UNC93A: variants seen among roughly 807,000 people sequenced by gnomAD.
UNC93A encodes unc-93 homolog A.
Under a neutral mutation model 47.5 loss-of-function variants are expected in UNC93A, and 43 were observed. The observed-to-expected ratio is 0.91, with a 90% CI of 0.71 to 1.17. UNC93A has a LOEUF of 1.17. Among genes scored for constraint, UNC93A ranks in the 50% most tolerant of loss-of-function variants. The probability of loss-of-function intolerance (pLI) is 0.00; values close to 1 mark genes in which losing one functional copy is unlikely to be tolerated. For missense variants in UNC93A, 605 were observed against 577.6 expected, an observed-to-expected ratio of 1.05 and a Z score of -0.49; for synonymous variants, 280 against 258.0, an observed-to-expected ratio of 1.09 and a Z score of -0.82.
At chr6:167,314,119 A>C (rs1468207770) in intron 7 of UNC93A, among the ~76,000 whole-genome samples, 1 of 152,148 alleles carries the variant, frequency 6.6e-6, no homozygotes, top group Non-Finnish European at 1.5e-5. Context: ...GTTTCGTATA[A>C]AACTCATTAA....
Position 167,304,034 on chromosome 6 carries a change from G to T in UNC93A, c.741G>T (p.Ser247=), listed in dbSNP as rs748804841. The change falls in exon 5 of 8, where the codon TCG becomes TCT. Residue 247 remains serine, a synonymous_variant. Coordinates refer to ENST00000230256, the MANE Select transcript of UNC93A (RefSeq NM_018974.4). ...KSVPFWSTLL[S]TFKLYRDKRL... is the part of the protein sequence containing the mutation. ...TACCTTTCTGGTCCACTTTACTGTC[G>T]ACTTTCAAGCTATATAGAGATAAAC... is the stretch of plus-strand genomic sequence containing the variant. 4 of 1,613,798 alleles carry T rather than the reference G, an allele frequency of 2.5e-6. No individual in the cohort carries two copies. The African/African-American group carries it at 5.3e-5, about 22-fold the overall frequency.
chr6:167,304,147 T>C lies in UNC93A; in HGVS notation c.840+14T>C. 6.2e-7 allele frequency: 1 copy of C among 1,613,802 alleles called. No homozygotes were observed. Among genetic ancestry groups the C allele is most frequent in the Middle Eastern group, 1.7e-4 (1 of 6,054 alleles). The stretch of plus-strand genomic sequence containing the variant: ...GAATACACAAGGGTATGAACGAAAG[T>C]GAGGGCCGGTGGCTCAGGCCATGCG... On this transcript the variant is annotated intron_variant, in intron 5 of 7. Transcript: ENST00000230256.
intron 4 of UNC93A, among the ~76,000 whole-genome samples, chr6:167,299,310 G>A (rs1305385947): frequency 1.3e-5 from 2 of 151,960 alleles, no homozygotes; most frequent in African/African-American, 2.4e-5. Context: ...TGAGCTCTGG[G>A]GGTACCAACT....
chr6:167,306,162 TC>T, intron 6 of UNC93A, 112 bp downstream of exon 6: 1 of 1,425,034 alleles, frequency 7.0e-7, no homozygotes, highest in Non-Finnish European at 9.6e-7. Context: ...TGCTTTGAAA[TC>T]AGTAACGCCC....
intron 1 of UNC93A, among the ~76,000 whole-genome samples, chr6:167,272,257 C>G (rs1215806499): frequency 6.6e-6 from 1 of 152,200 alleles, no homozygotes; most frequent in East Asian, 1.9e-4. Context: ...CGAGAATGTT[C>G]TATGCAAATG....
chr6:167,273,094 C>G (rs759859396), intron 1 of UNC93A, among the ~76,000 whole-genome samples: 1 of 152,190 alleles, frequency 6.6e-6, no homozygotes, highest in African/African-American at 2.4e-5. Context: ...CTAACGTGAA[C>G]GTGCTCCTCT....
At chr6:167,279,786 ATAG>A (rs770260357) in intron 1 of UNC93A, among the ~76,000 whole-genome samples, 51 of 152,236 alleles carry the variant, frequency 3.4e-4, no homozygotes, top group Non-Finnish European at 6.0e-4. Flanking sequence ...TAGTTTGCAC[ATAG>A]TAGAGAATGA....
At chr6:167,295,019 T>TA (rs1056970099) in intron 2 of UNC93A, among the ~76,000 whole-genome samples, 2 of 152,156 alleles carry the variant, frequency 1.3e-5, no homozygotes, top group African/African-American at 4.8e-5. Context: ...CAGGGGACTC[T>TA]AACTGCAATG....
upstream of UNC93A, among the ~76,000 whole-genome samples, chr6:167,286,851 G>A (rs1241016544): frequency 6.6e-6 from 1 of 151,774 alleles, no homozygotes; most frequent in Non-Finnish European, 1.5e-5. Context: ...GGTGGCGGGT[G>A]CCTGTAATCC....
Position 167,298,033 on chromosome 6 carries a change from C to T in UNC93A, c.588C>T (p.Ser196=), listed in dbSNP as rs759159645. The T allele has an allele frequency of 1.2e-6, 2 of 1,614,008 alleles. No individual in the cohort carries two copies. Among genetic ancestry groups the T allele is most frequent in the Admixed American group, 3.3e-5 (2 of 60,016 alleles). The stretch of plus-strand genomic sequence containing the variant: ...CCACCAACAGCACCCAGAGGCCCTC[C>T]CAGCAGCTGGTCTACACCCTCCTGG... The part of the protein sequence containing the change: ...TTTTNSTQRP[S]QQLVYTLLGI... Residue 196 remains serine (S), a synonymous_variant, in exon 4 of 8, where the codon TCC becomes TCT. Coordinates refer to ENST00000230256, the MANE Select transcript of UNC93A (RefSeq NM_018974.4).
At chr6:167,304,836 C>T (rs1405297966) in intron 5 of UNC93A, among the ~76,000 whole-genome samples, 1 of 152,232 alleles carries the variant, frequency 6.6e-6, no homozygotes, top group Admixed American at 6.5e-5. Flanking sequence ...TCCCAAAGTG[C>T]TGGGATTACA....
chr6:167,284,707 TG>T (rs1198582183), intron 1 of UNC93A, among the ~76,000 whole-genome samples: 1 of 152,278 alleles, frequency 6.6e-6, no homozygotes, highest in African/African-American at 2.4e-5. Flanking sequence ...AACAGAGTCT[TG>T]CCTGTAGTGC....
intron 1 of UNC93A, among the ~76,000 whole-genome samples, chr6:167,274,662 A>C (rs564425389): frequency 6.6e-6 from 1 of 152,016 alleles, no homozygotes; most frequent in Non-Finnish European, 1.5e-5. Flanking sequence ...AGACTCCATC[A>C]CTCACCTGCT....
chr6:167,295,950 A>G (rs1778073838), intron 2 of UNC93A, 82 bp from the exon 3 acceptor site: 2 of 1,344,954 alleles, frequency 1.5e-6, no homozygotes, highest in Admixed American at 3.8e-5. Context: ...CTTCTCCCAG[A>G]TTGACTAAAG....
intron 7 of UNC93A, among the ~76,000 whole-genome samples, chr6:167,310,937 T>C (rs1015527753): frequency 6.6e-6 from 1 of 152,206 alleles, no homozygotes; most frequent in African/African-American, 2.4e-5. Context: ...CTGTGGACTT[T>C]ATACTCGCAA....
intron 4 of UNC93A, among the ~76,000 whole-genome samples, chr6:167,302,064 G>T (rs1457152604): frequency 6.6e-6 from 1 of 152,166 alleles, no homozygotes; most frequent in Non-Finnish European, 1.5e-5. Flanking sequence ...TAGCCAAGAT[G>T]GAAAGTAGCC....
At chr6:167,284,447 C>T (rs900241237) in intron 1 of UNC93A, among the ~76,000 whole-genome samples, 5 of 152,256 alleles carry the variant, frequency 3.3e-5, no homozygotes, top group Non-Finnish European at 5.9e-5. Flanking sequence ...GGTTTAAAAA[C>T]AACTTCCGAA....
intron 1 of UNC93A, among the ~76,000 whole-genome samples, chr6:167,279,129 G>T (rs1316488582): frequency 2.0e-5 from 3 of 152,208 alleles, no homozygotes; most frequent in African/African-American, 7.2e-5. Context: ...ATACTTATTA[G>T]ATGTGTTAAA....
At chr6:167,276,660 G>C (rs2115075115) in intron 1 of UNC93A, among the ~76,000 whole-genome samples, 1 of 152,252 alleles carries the variant, frequency 6.6e-6, no homozygotes, top group African/African-American at 2.4e-5. Flanking sequence ...TCCTCCTTCA[G>C]CTGTGGGATC....
Sources: gnomAD v4.1 joint callset for allele counts (sites outside exome capture counted in the v4.1 genomes callset) on GRCh38, gnomAD v4.1.1 for gene constraint, MANE v1.5 for transcripts, NCBI Gene and HGNC (gene_info 2026-07-23, HGNC 2026-07-21) for gene names.